Variants in JAK1 observed in about 807,000 individuals in gnomAD.
The protein encoded by JAK1 is Janus kinase 1.
In JAK1, 16 loss-of-function variants were observed where a neutral mutation model predicts 136.6. The observed-to-expected ratio is 0.12, with a 90% confidence interval of 0.08 to 0.18. The LOEUF (loss-of-function observed/expected upper bound fraction) is 0.18, where lower values mean the gene tolerates loss of function less well. Among genes scored for constraint, JAK1 ranks in the 10% least tolerant of loss-of-function variants. JAK1 has a pLI of 1.00. For missense variants in JAK1, 859 were observed against 1,450.1 expected (o/e 0.59, Z 6.62); for synonymous variants, 492 against 519.5 (o/e 0.95, Z 0.72).
rs1266431195 is a variant in JAK1 at position 64,866,895 on chromosome 1, G to A, written c.961C>T (p.Leu321Phe). ...GGTTTATGCCTCCACTGGATTCCAA[G>A]ATTCCCAGTCACCATCACTTCGTAG... ...LYYEVMVTGN[L>F]GIQWRHKPNV... The change falls in exon 7 of 25, where the codon CTT becomes TTT. Residue 321 changes from leucine (L) to phenylalanine (F), a missense_variant. Coordinates refer to ENST00000342505, the MANE Select transcript of JAK1 (RefSeq NM_002227.4). 1.9e-6 allele frequency: 3 copies of A among 1,612,548 alleles called. No individual in the cohort carries two copies. The highest frequency in any genetic ancestry group is 1.1e-5 in the South Asian group (1 of 90,990).
chr1:65,031,148 C>G (rs1359352895), intron 2 of JAK1, among the ~76,000 whole-genome samples: 1 of 138,454 alleles, frequency 7.2e-6, no homozygotes, highest in Non-Finnish European at 1.5e-5. Context: ...AGTGAGAGAC[C>G]CTATCTCAAA....
At chr1:64,938,007 G>A (rs933043656) in intron 1 of JAK1, among the ~76,000 whole-genome samples, 4 of 151,946 alleles carry the variant, frequency 2.6e-5, no homozygotes, top group South Asian at 2.1e-4. Context: ...AGCCTCCCAA[G>A]TAGCTATGAC....
chr1:64,891,828 T>C (rs1193113337), intron 1 of JAK1, among the ~76,000 whole-genome samples: 1 of 152,248 alleles, frequency 6.6e-6, no homozygotes, highest in Non-Finnish European at 1.5e-5. Flanking sequence ...ATGCCACTCC[T>C]GCCACACAGA....
At chr1:64,898,673 C>G (rs1471569252) in intron 1 of JAK1, among the ~76,000 whole-genome samples, 1 of 152,168 alleles carries the variant, frequency 6.6e-6, no homozygotes, top group Non-Finnish European at 1.5e-5. Flanking sequence ...TGTGGGAGAA[C>G]TTCAGTTAGC....
At chr1:65,057,743 G>A (rs890456003) in intron 1 of JAK1, 6 of 154,782 alleles carry the variant, frequency 3.9e-5, no homozygotes, top group African/African-American at 1.4e-4. Flanking sequence ...TCCTGAAATC[G>A]ATATGTGCCA....
At chr1:64,934,791 T>C (rs1269815022) in intron 1 of JAK1, among the ~76,000 whole-genome samples, 5 of 152,186 alleles carry the variant, frequency 3.3e-5, no homozygotes, top group Non-Finnish European at 5.9e-5. Context: ...TTAGCTTACA[T>C]TGTATTGTAA....
At chr1:65,036,001 G>A (rs1367408757) in intron 2 of JAK1, among the ~76,000 whole-genome samples, 1 of 152,146 alleles carries the variant, frequency 6.6e-6, no homozygotes, top group Non-Finnish European at 1.5e-5. Context: ...CCGGGAGGTA[G>A]AAGTTGCAGT....
chr1:64,948,479 T>C (rs959178062), intron 1 of JAK1, among the ~76,000 whole-genome samples: 2 of 152,256 alleles, frequency 1.3e-5, no homozygotes, highest in Non-Finnish European at 2.9e-5. Context: ...AGTGTAGCTA[T>C]AAGCTTGTCA....
At chr1:64,841,057 C>A (rs768912481) in intron 19 of JAK1, among the ~76,000 whole-genome samples, 188 bp downstream of exon 19, 3 of 152,092 alleles carry the variant, frequency 2.0e-5, no homozygotes, top group Non-Finnish European at 2.9e-5. Flanking sequence ...CCGTCCGTGC[C>A]GTGTGTCACA....
intron 1 of JAK1, among the ~76,000 whole-genome samples, chr1:64,919,846 A>G (rs1645464957): frequency 6.6e-6 from 1 of 152,028 alleles, no homozygotes; most frequent in Non-Finnish European, 1.5e-5. Context: ...TCCTAAGTCA[A>G]ATGGGGTGGG....
chr1:64,844,252 G>T lies in JAK1; in HGVS notation c.2252-37C>A, dbSNP rs765962111. On this transcript the variant is annotated intron_variant, in intron 16 of 24. Coordinates refer to ENST00000342505, the MANE Select transcript of JAK1 (RefSeq NM_002227.4). This position sits in a 1 kb window ranked among gnomAD's most constrained non-coding sequence, Gnocchi z 5.7. ...CAGACACACTGATGGAGCAGTTTCT[G>T]GGATCTCCTAGGGATTCAATTACTG... 1.2e-6 allele frequency: 2 copies of T among 1,613,174 alleles called. No individual in the cohort carries two copies. Among genetic ancestry groups the T allele is most frequent in the Non-Finnish European group, 1.7e-6 (2 of 1,179,132 alleles).
intron 2 of JAK1, among the ~76,000 whole-genome samples, chr1:65,017,166 A>G (rs1646897928): frequency 6.6e-6 from 1 of 152,174 alleles, no homozygotes; most frequent in Non-Finnish European, 1.5e-5. Context: ...TTGATAGAAC[A>G]AGAAAAATCA....
chr1:65,023,438 A>G (rs1646953140), intron 2 of JAK1, among the ~76,000 whole-genome samples: 1 of 152,142 alleles, frequency 6.6e-6, no homozygotes, highest in Non-Finnish European at 1.5e-5. Flanking sequence ...ACTACCATCT[A>G]AAGTTCCAGA....
At chr1:64,992,910 A>AC (rs1646671110) in intron 2 of JAK1, 1 of 151,908 alleles carries the variant, frequency 6.6e-6, no homozygotes, top group South Asian at 2.1e-4. Context: ...AAAAAAAAAA[A>AC]AAAAAAAGAT....
chr1:64,898,910 C>T (rs1645065214), intron 1 of JAK1, among the ~76,000 whole-genome samples: 1 of 152,108 alleles, frequency 6.6e-6, no homozygotes, highest in African/African-American at 2.4e-5. Flanking sequence ...CTCATGGATC[C>T]CACATTGCAC....
At chr1:64,952,554 A>G (rs981760134) in intron 1 of JAK1, among the ~76,000 whole-genome samples, 2 of 152,240 alleles carry the variant, frequency 1.3e-5, no homozygotes, top group Non-Finnish European at 2.9e-5. Flanking sequence ...CCCAAAACAA[A>G]AACACTTTTT....
chr1:64,862,762 A>G (rs1315789847), intron 8 of JAK1, among the ~76,000 whole-genome samples: 1 of 152,136 alleles, frequency 6.6e-6, no homozygotes, highest in Non-Finnish European at 1.5e-5. Context: ...TCTCTGGGGG[A>G]TGATAACGCC....
At chr1:64,962,507 G>A (rs1207178080) in intron 1 of JAK1, among the ~76,000 whole-genome samples, 2 of 152,148 alleles carry the variant, frequency 1.3e-5, no homozygotes, top group African/African-American at 4.8e-5. Context: ...TCACGGAAAT[G>A]AGCTTAATGT....
intron 1 of JAK1, among the ~76,000 whole-genome samples, chr1:64,894,135 C>G (rs1644978705): frequency 6.6e-6 from 1 of 152,182 alleles, no homozygotes; most frequent in Non-Finnish European, 1.5e-5. Context: ...GACACCACTG[C>G]TCGCACAGCC....
Sources: gnomAD v4.1 joint callset for allele counts (sites outside exome capture counted in the v4.1 genomes callset) on GRCh38, gnomAD v4.1.1 for gene constraint, Gnocchi (gnomAD v3.1) non-coding constraint, MANE v1.5 for transcripts, NCBI Gene and HGNC (gene_info 2026-07-23, HGNC 2026-07-21) for gene names.